GRIK2: variants seen among roughly 807,000 people sequenced by gnomAD.
GRIK2 encodes glutamate ionotropic receptor kainate type subunit 2, also known as glutamate receptor ionotropic, kainate 2.
A neutral mutation model predicts 100.3 loss-of-function variants in GRIK2; 32 were observed. The ratio of observed to expected loss-of-function variants is 0.32; its 90% confidence interval spans 0.24 to 0.43. GRIK2 has a LOEUF of 0.43. Ranked by LOEUF, GRIK2 falls within the 20% of genes least tolerant of loss-of-function variation. The pLI, the probability that GRIK2 is intolerant of heterozygous loss-of-function variation, is 1.00. For synonymous variants in GRIK2, 417 were observed against 389.4 expected (o/e 1.07, Z -0.83); for missense variants, 843 against 1,114.9 (o/e 0.76, Z 3.47).
At chr6:101,970,167 A>G (rs1792951728) in intron 14 of GRIK2, among the ~76,000 whole-genome samples, 1 of 151,906 alleles carries the variant, frequency 6.6e-6, no homozygotes, top group South Asian at 2.1e-4. Flanking sequence ...TAAAAAATAA[A>G]CCAATCAATC....
chr6:101,670,052 T>G (rs1770312103), intron 4 of GRIK2, among the ~76,000 whole-genome samples: 2 of 152,126 alleles, frequency 1.3e-5, no homozygotes, highest in African/African-American at 4.8e-5. Flanking sequence ...TAAACTGTTC[T>G]CTAGACTGTT....
intron 15 of GRIK2, among the ~76,000 whole-genome samples, chr6:102,051,763 T>C (rs1316714232): frequency 2.0e-5 from 3 of 152,176 alleles, no homozygotes; most frequent in African/African-American, 7.2e-5. Context: ...TCTGTCCTCC[T>C]AACAGTTTGA....
chr6:101,982,472 G>T (rs1273312991), intron 14 of GRIK2, among the ~76,000 whole-genome samples: 1 of 151,764 alleles, frequency 6.6e-6, no homozygotes, highest in Non-Finnish European at 1.5e-5. Flanking sequence ...AGAAGCTGAA[G>T]AGTAGCTTCT....
At chr6:101,626,103 A>G (rs1417726995) in intron 3 of GRIK2, among the ~76,000 whole-genome samples, 1 of 152,180 alleles carries the variant, frequency 6.6e-6, no homozygotes, top group African/African-American at 2.4e-5. Context: ...AAATTAAAAA[A>G]TATTCATCCT....
intron 7 of GRIK2, among the ~76,000 whole-genome samples, chr6:101,753,911 CTG>C (rs1776959398): frequency 6.6e-6 from 1 of 152,002 alleles, no homozygotes; most frequent in African/African-American, 2.4e-5. Flanking sequence ...ATTTTTAAGA[CTG>C]TTCCACATAT....
At chr6:101,793,614 C>G (rs1780056766) in intron 7 of GRIK2, among the ~76,000 whole-genome samples, 1 of 152,110 alleles carries the variant, frequency 6.6e-6, no homozygotes, top group African/African-American at 2.4e-5. Flanking sequence ...TCAGTCTGCC[C>G]CTACTGGGGG....
chr6:101,725,031 T>A (rs1774762023), intron 7 of GRIK2, among the ~76,000 whole-genome samples: 1 of 152,042 alleles, frequency 6.6e-6, no homozygotes, highest in African/African-American at 2.4e-5. Context: ...CATTAAACTC[T>A]CATAAAAGTT....
At chr6:101,730,456 A>G (rs1380152008) in intron 7 of GRIK2, among the ~76,000 whole-genome samples, 2 of 151,990 alleles carry the variant, frequency 1.3e-5, no homozygotes, top group Non-Finnish European at 2.9e-5. Context: ...TTTAAATTAC[A>G]TTCCCTTTTT....
chr6:101,966,125 G>A (rs886887770), intron 14 of GRIK2, among the ~76,000 whole-genome samples: 4 of 151,968 alleles, frequency 2.6e-5, no homozygotes, highest in East Asian at 3.9e-4. Context: ...TTTGTCTACC[G>A]TCATTTTGCC....
chr6:101,806,906 C>T (rs1781040520), intron 9 of GRIK2, among the ~76,000 whole-genome samples: 1 of 151,552 alleles, frequency 6.6e-6, no homozygotes, highest in Non-Finnish European at 1.5e-5. Flanking sequence ...TATAAAAGGG[C>T]TATCTCCCTA....
intron 10 of GRIK2, among the ~76,000 whole-genome samples, chr6:101,836,661 A>ATTTTTTTTTTT (rs1194200766): frequency 3.5e-5 from 2 of 57,808 alleles, no homozygotes; most frequent in Non-Finnish European, 5.6e-5. Flanking sequence ...ATATATATAT[A>ATTTTTTTTTTT]TTTTTTTTTT....
intron 7 of GRIK2, among the ~76,000 whole-genome samples, chr6:101,776,567 G>GA (rs1778760688): frequency 1.3e-5 from 2 of 152,046 alleles, no homozygotes; most frequent in Admixed American, 1.3e-4. Flanking sequence ...CTGAAGACTA[G>GA]AAAAAATAAT....
intron 2 of GRIK2, among the ~76,000 whole-genome samples, chr6:101,432,254 T>A (rs1364521418): frequency 6.6e-6 from 1 of 152,170 alleles, no homozygotes; most frequent in Non-Finnish European, 1.5e-5. Context: ...GAAGAGTTGC[T>A]TCCTGAATCA....
chr6:101,798,248 A>T lies in GRIK2; in HGVS notation c.952-1400A>T, dbSNP rs532763203. Among the ~76,000 whole-genome samples, 15 of 152,094 alleles carry T rather than the reference A, an allele frequency of 9.9e-5. No individual in the cohort carries two copies. The South Asian group carries it at 3.1e-3, about 32-fold the overall frequency. ...AAAACGCTCAAAATGTATCTTCCCA[A>T]TTCTGTTGATGATTTTTGTGACTAC... On this transcript the variant is annotated intron_variant, in intron 7 of 16. Transcript: ENST00000369134.
At chr6:101,982,833 T>C (rs945259672) in intron 14 of GRIK2, among the ~76,000 whole-genome samples, 3 of 151,716 alleles carry the variant, frequency 2.0e-5, no homozygotes, top group African/African-American at 7.2e-5. Flanking sequence ...TGGCATCTCA[T>C]TGCAGCATGT....
intron 7 of GRIK2, among the ~76,000 whole-genome samples, chr6:101,712,547 G>A (rs556025385): frequency 6.6e-6 from 1 of 151,876 alleles, no homozygotes; most frequent in Admixed American, 6.6e-5. Context: ...AGACTCCAAA[G>A]AGTGAACTAT....
chr6:101,733,708 C>CTTTTCTTTTT (rs1775437218), intron 7 of GRIK2, among the ~76,000 whole-genome samples: 1 of 83,938 alleles, frequency 1.2e-5, no homozygotes, highest in African/African-American at 4.1e-5. Context: ...ATTCCTCTTT[C>CTTTTCTTTTT]TTTTTTTTTT....
chr6:102,014,508 T>C (rs1245958602), intron 14 of GRIK2, among the ~76,000 whole-genome samples: 1 of 152,158 alleles, frequency 6.6e-6, no homozygotes, highest in Non-Finnish European at 1.5e-5. Context: ...TGTTCTTGCT[T>C]CTCTAGTTCT....
chr6:101,621,797 C>T (rs1780174625), intron 2 of GRIK2, 152 bp from the exon 3 acceptor site: 4 of 591,902 alleles, frequency 6.8e-6, no homozygotes, highest in Admixed American at 2.9e-5. Flanking sequence ...TAAATCTCTC[C>T]CTCTCTCTCT....
Sources: gnomAD v4.1 joint callset for allele counts (sites outside exome capture counted in the v4.1 genomes callset) on GRCh38, gnomAD v4.1.1 for gene constraint, MANE v1.5 for transcripts, NCBI Gene and HGNC (gene_info 2026-07-23, HGNC 2026-07-21) for gene names.